Variants in NAPG observed in about 807,000 individuals in gnomAD.
NAPG encodes gamma-soluble NSF attachment protein.
Under a neutral mutation model 48.4 loss-of-function variants are expected in NAPG, and 25 were observed. The observed-to-expected ratio is 0.52, with a 90% CI of 0.38 to 0.72. The LOEUF (loss-of-function observed/expected upper bound fraction) is 0.72, where lower values mean the gene tolerates loss of function less well. Among genes scored for constraint, NAPG ranks in the 30% least tolerant of loss-of-function variants. NAPG has a pLI of 0.00. For synonymous variants in NAPG, 139 were observed against 127.2 expected, an observed-to-expected ratio of 1.09 and a Z score of -0.62; for missense variants, 359 against 372.5, an observed-to-expected ratio of 0.96 and a Z score of 0.30.
rs965797713 is a variant in NAPG at position 10,540,404 on chromosome 18, G to C, written c.506+5G>C. 1 of 1,610,650 alleles carries C rather than the reference G, an allele frequency of 6.2e-7. No homozygotes were observed. Among genetic ancestry groups the C allele is most frequent in the African/African-American group, 1.3e-5 (1 of 74,832 alleles). ...ACTACTAGTACGAGGACGTAGGTAT[G>C]TCTTTAAAAACTATTGCTGTGTGTT... On this transcript the variant is annotated splice_donor_5th_base_variant and intron_variant, in intron 8 of 11. Coordinates refer to ENST00000322897, the MANE Select transcript of NAPG (RefSeq NM_003826.3).
chr18:10,531,032 C>G (rs1213662953), intron 2 of NAPG, among the ~76,000 whole-genome samples, 195 bp downstream of exon 2: 1 of 150,894 alleles, frequency 6.6e-6, no homozygotes, highest in African/African-American at 2.5e-5. Context: ...GTCAGAGTTC[C>G]TGGTACCTGC....
chr18:10,530,567 C>T (rs1290943570), intron 1 of NAPG, among the ~76,000 whole-genome samples: 2 of 151,942 alleles, frequency 1.3e-5, no homozygotes, highest in Non-Finnish European at 2.9e-5. Context: ...AGGAAAACCA[C>T]GTACCTGTGA....
chr18:10,541,457 C>G (rs964200001), intron 8 of NAPG, among the ~76,000 whole-genome samples: 1 of 152,136 alleles, frequency 6.6e-6, no homozygotes, highest in African/African-American at 2.4e-5. Flanking sequence ...AAAAATGGTT[C>G]ACTTTAGTTT....
chr18:10,540,081 T>C (rs941430520), intron 7 of NAPG, 27 bp downstream of exon 7: 1 of 1,502,750 alleles, frequency 6.7e-7, no homozygotes. Context: ...TTTTTTTCTT[T>C]AATTACTTAG....
chr18:10,539,847 C>T lies in NAPG; in HGVS notation c.344C>T (p.Ala115Val), dbSNP rs2032112136. 9 of 1,613,968 alleles carry T rather than the reference C, an allele frequency of 5.6e-6. No individual in the cohort carries two copies. The highest frequency in any genetic ancestry group is 1.3e-5 in the African/African-American group (1 of 75,034). Reference sequence around the variant, plus strand: ...GAAAACGGCACCCCAGACACAGCAGCCATGGCTTTGGAGCGAGCTGGAAAG... The same window carrying T: ...GAAAACGGCACCCCAGACACAGCAGTCATGGCTTTGGAGCGAGCTGGAAAG... Reference protein sequence around the residue: ...YLENGTPDTAAMALERAGKLI... With the variant: ...YLENGTPDTAVMALERAGKLI... The change falls in exon 6 of 12, where the codon GCC becomes GTC. Residue 115 changes from alanine (A) to valine (V), a missense_variant. Transcript: ENST00000322897. The surrounding 1 kb of genome is among the most constrained non-coding windows in gnomAD (Gnocchi z 4.7).
chr18:10,540,252 T>G, intron 7 of NAPG, 77 bp from the exon 8 acceptor site: 1 of 1,352,588 alleles, frequency 7.4e-7, no homozygotes. Flanking sequence ...CATTACTTCT[T>G]TACAAAATAA....
chr18:10,530,887 C>A, intron 2 of NAPG, 50 bp downstream of exon 2: 2 of 1,345,172 alleles, frequency 1.5e-6, no homozygotes, highest in South Asian at 3.1e-5. Flanking sequence ...TTAAAATAGT[C>A]TGATAACTTC....
intron 3 of NAPG, 86 bp downstream of exon 3, chr18:10,532,881 C>T: frequency 9.3e-7 from 1 of 1,074,494 alleles, no homozygotes; most frequent in South Asian, 1.6e-5. Flanking sequence ...TACTTTACTA[C>T]CTGTGAAGTA....
intron 7 of NAPG, 44 bp from the exon 8 acceptor site, chr18:10,540,285 C>A: frequency 1.3e-6 from 2 of 1,537,172 alleles, no homozygotes; most frequent in Non-Finnish European, 1.8e-6. Flanking sequence ...AAAAACATTT[C>A]AACATTAAAG....
chr18:10,528,846 G>A (rs1265244561), intron 1 of NAPG, among the ~76,000 whole-genome samples: 2 of 152,152 alleles, frequency 1.3e-5, no homozygotes, highest in Non-Finnish European at 2.9e-5. Context: ...TACTCAGTGG[G>A]TGGTAGGAAA....
At chr18:10,537,605 C>A (rs2032062574) in intron 5 of NAPG, among the ~76,000 whole-genome samples, 1 of 152,096 alleles carries the variant, frequency 6.6e-6, no homozygotes, top group Non-Finnish European at 1.5e-5. Context: ...CAGTTGTATT[C>A]TTTAAAAGCC....
chr18:10,545,805 C>G (rs922568005), intron 8 of NAPG, among the ~76,000 whole-genome samples: 1 of 152,216 alleles, frequency 6.6e-6, no homozygotes, highest in African/African-American at 2.4e-5. Context: ...ACTGAAGATG[C>G]AGGAAGGCTT....
In NAPG at chr18:10,534,406, A is replaced by G. The variant is rs1360573895; in HGVS notation, c.228-60A>G. 1 of 1,497,496 alleles carries G rather than the reference A, an allele frequency of 6.7e-7. No individual in the cohort carries two copies. Among genetic ancestry groups the G allele is most frequent in the Non-Finnish European group, 9.3e-7 (1 of 1,076,396 alleles). 92.8% of individuals were successfully genotyped at this position (1,497,496 alleles called of 1,614,324 possible). A position where few individuals can be genotyped will look rare whatever the true frequency, so the allele number is the denominator to read the frequency against. On this transcript the variant is annotated intron_variant, in intron 4 of 11. Coordinates refer to ENST00000322897, the MANE Select transcript of NAPG (RefSeq NM_003826.3). The surrounding 1 kb of genome is among the most constrained non-coding windows in gnomAD (Gnocchi z 5.0). ...CCTTACCAGTAGTTCCTCACCAGAA[A>G]GTTTCTTCTACCCCTTATTTCGTTA...
rs1277175359 is a variant in NAPG at position 10,542,002 on chromosome 18, A to T, written c.506+1603A>T. ...ATTCCTTTAGAAAGCTCCACTAGGG[A>T]TGGGGGCCACCATCATCCTCAAAAC... On this transcript the variant is annotated intron_variant, in intron 8 of 11. Transcript: ENST00000322897. The surrounding 1 kb of genome is among the most constrained non-coding windows in gnomAD (Gnocchi z 4.5). Among the ~76,000 whole-genome samples the T allele has an allele frequency of 6.6e-6, 1 of 152,136 alleles. No individual in the cohort carries two copies. The highest frequency in any genetic ancestry group is 1.5e-5 in the Non-Finnish European group (1 of 68,014).
chr18:10,537,765 T>C (rs1035750068), intron 5 of NAPG, among the ~76,000 whole-genome samples: 1 of 152,246 alleles, frequency 6.6e-6, no homozygotes, highest in African/African-American at 2.4e-5. Context: ...TTTTATTTTT[T>C]CACTGAGGTT....
rs752377537 is a variant in NAPG at position 10,539,897 on chromosome 18, G to T, written c.368+26G>T. The stretch of plus-strand genomic sequence containing the variant: ...GTGAGTGTGAGATGGACAAGTCTCT[G>T]CATAGAAGTCTTGTCTTTTTGTTTT... On this transcript the variant is annotated intron_variant, in intron 6 of 11. Transcript: ENST00000322897. The surrounding 1 kb of genome is among the most constrained non-coding windows in gnomAD (Gnocchi z 4.7). 3 of 1,608,512 alleles carry T rather than the reference G, an allele frequency of 1.9e-6. No homozygotes were observed. Among genetic ancestry groups the T allele is most frequent in the African/African-American group, 2.7e-5 (2 of 74,770 alleles).
rs536216447 is a variant in NAPG at position 10,527,234 on chromosome 18, T to C, written c.56+1076T>C. ...AAGAAAAAGTCAGCATTGTGCTCTG[T>C]GGTGGGTGCTTCACATACATAATTT... is the stretch of plus-strand genomic sequence containing the variant. On this transcript the variant is annotated intron_variant, in intron 1 of 11. Coordinates refer to ENST00000322897, the MANE Select transcript of NAPG (RefSeq NM_003826.3). 4.6e-5 allele frequency among the ~76,000 whole-genome samples: 7 copies of C among 151,228 alleles called. No homozygotes were observed. The South Asian group carries it at 1.3e-3, about 27-fold the overall frequency.
rs1374832285 is a variant in NAPG, at chr18:10,546,115, T to C, written c.507-211T>C. On this transcript the variant is annotated intron_variant, in intron 8 of 11. Coordinates refer to ENST00000322897, the MANE Select transcript of NAPG (RefSeq NM_003826.3). This position sits in a 1 kb window ranked among gnomAD's most constrained non-coding sequence, Gnocchi z 4.0. ...CATCCTTGAGTTCTTTTGCTTTTTCTGTCAGCGTGCAGCCTGAAAGTGGGG... is the reference window on the plus strand; with the variant it reads ...CATCCTTGAGTTCTTTTGCTTTTTCCGTCAGCGTGCAGCCTGAAAGTGGGG... Among the ~76,000 whole-genome samples the C allele has an allele frequency of 6.6e-6, 1 of 152,202 alleles. No individual in the cohort carries two copies. Among genetic ancestry groups the C allele is most frequent in the Non-Finnish European group, 1.5e-5 (1 of 68,030 alleles).
At chr18:10,537,646 A>G (rs1040105884) in intron 5 of NAPG, among the ~76,000 whole-genome samples, 2 of 152,196 alleles carry the variant, frequency 1.3e-5, no homozygotes, top group African/African-American at 4.8e-5. Context: ...TGTGTCTGAG[A>G]GAGATTTTGT....
Sources: allele counts gnomAD v4.1 joint callset (sites outside exome capture counted in the v4.1 genomes callset), GRCh38; gene constraint gnomAD v4.1.1; non-coding constraint Gnocchi (gnomAD v3.1); transcripts MANE v1.5; gene names NCBI Gene and HGNC (gene_info 2026-07-23, HGNC 2026-07-21).